CHUK: variants seen among roughly 807,000 people sequenced by gnomAD.
CHUK encodes the protein inhibitor of nuclear factor kappa-B kinase subunit alpha.
In CHUK, 35 loss-of-function variants were observed where a neutral mutation model predicts 104.8. That is an observed-to-expected ratio of 0.33 (90% CI 0.26 to 0.44). The LOEUF is 0.44. Ranked by LOEUF, CHUK falls within the 20% of genes least tolerant of loss-of-function variation. The pLI is 1.00. For missense variants in CHUK, 663 were observed against 902.7 expected (o/e 0.73, Z 3.40); for synonymous variants, 276 against 291.9 (o/e 0.95, Z 0.56).
intron 20 of CHUK, 59 bp downstream of exon 20, chr10:100,190,810 G>C: frequency 2.1e-6 from 2 of 955,728 alleles, no homozygotes; most frequent in South Asian, 2.6e-5. Flanking sequence ...AGCATGGAAA[G>C]TTAAACCTTT....
chr10:100,189,710 G>T, intron 20 of CHUK, 83 bp from the exon 21 acceptor site: 2 of 944,032 alleles, frequency 2.1e-6, no homozygotes, highest in Non-Finnish European at 1.7e-6. Context: ...CAAGTTTTCT[G>T]TTTGGACATT....
At chr10:100,194,652 A>G in intron 16 of CHUK, 131 bp from the exon 17 acceptor site, 1 of 620,626 alleles carries the variant, frequency 1.6e-6, no homozygotes, top group South Asian at 1.9e-5. Flanking sequence ...TTTAAATTAA[A>G]AATTGGGTTA....
At chr10:100,217,188 G>T (rs116778287) in intron 9 of CHUK, among the ~76,000 whole-genome samples, 1,759 of 150,962 alleles carry the variant, frequency 0.012, 47 homozygotes, top group African/African-American at 0.04. Flanking sequence ...GCAGGTACAA[G>T]GCAAAACTTG....
intron 13 of CHUK, among the ~76,000 whole-genome samples, chr10:100,202,754 GA>G (rs901830340): frequency 2.6e-5 from 4 of 151,768 alleles, no homozygotes; most frequent in African/African-American, 9.7e-5. Context: ...GTGGATAAAG[GA>G]AAAAACAACA....
Position 100,188,437 on chromosome 10 carries a change from A to C in CHUK, c.*1161T>G, listed in dbSNP as rs1845121211. ...ATAAAAGCATTTCACATTTTTTAAG[A>C]CAAATAATATCTTCTAAATTACTTA... is the stretch of plus-strand genomic sequence containing the variant. On this transcript the variant is annotated 3_prime_UTR_variant, in exon 21 of 21. Transcript: ENST00000370397. 1 of 152,676 alleles carries C rather than the reference A, an allele frequency of 6.5e-6. No individual in the cohort carries two copies. Among genetic ancestry groups the C allele is most frequent in the Non-Finnish European group, 1.5e-5 (1 of 68,036 alleles). The allele number at this position is 152,676 out of a possible 1,614,324, so 9.5% of individuals were successfully genotyped here.
chr10:100,198,730 A>C (rs1291320574), intron 16 of CHUK, among the ~76,000 whole-genome samples: 2 of 152,366 alleles, frequency 1.3e-5, no homozygotes, highest in South Asian at 2.1e-4. Flanking sequence ...GTTATTTTTT[A>C]AATGTGAAAA....
At chr10:100,216,378 G>C (rs1845855449) in intron 9 of CHUK, among the ~76,000 whole-genome samples, 1 of 152,204 alleles carries the variant, frequency 6.6e-6, no homozygotes, top group African/African-American at 2.4e-5. Flanking sequence ...AGCCAAGAAT[G>C]ACATCCACAT....
intron 16 of CHUK, 69 bp from the exon 17 acceptor site, chr10:100,194,590 C>A: frequency 2.2e-6 from 2 of 924,002 alleles, no homozygotes; most frequent in Admixed American, 4.1e-5. Flanking sequence ...ACAAAAAATT[C>A]CTCAAAAATC....
intron 9 of CHUK, among the ~76,000 whole-genome samples, chr10:100,215,210 A>G (rs1300684279): frequency 2.2e-5 from 3 of 136,952 alleles, no homozygotes; most frequent in Admixed American, 2.2e-4. Flanking sequence ...GTGAGGCTCC[A>G]TATCAAAAAA....
At chr10:100,210,064 G>GTTATTTATTTATTTATTTAT (rs1190793682) in intron 9 of CHUK, among the ~76,000 whole-genome samples, 1 of 142,666 alleles carries the variant, frequency 7.0e-6, no homozygotes, top group African/African-American at 2.7e-5. Flanking sequence ...GAAAGAACAA[G>GTTATTTATTTATTTATTTAT]TTATTTATTT....
Position 100,220,684 on chromosome 10 carries a change from A to G in CHUK, c.386-8T>C. ...AATATCGAATCCCAGACCCTAAATAAAGTTTAAAATATACTTTAAAGTAAC... is the reference window on the plus strand; with the variant it reads ...AATATCGAATCCCAGACCCTAAATAGAGTTTAAAATATACTTTAAAGTAAC... On this transcript the variant is annotated splice_polypyrimidine_tract_variant and splice_region_variant and intron_variant, in intron 4 of 20. Coordinates refer to ENST00000370397, the MANE Select transcript of CHUK (RefSeq NM_001278.5). The G allele has an allele frequency of 6.3e-7, 1 of 1,576,958 alleles. No homozygotes were observed. Among genetic ancestry groups the G allele is most frequent in the Non-Finnish European group, 8.7e-7 (1 of 1,146,632 alleles).
rs569453566 is a variant in CHUK at position 100,217,416 on chromosome 10, G to A, written c.933+579C>T. On this transcript the variant is annotated intron_variant, in intron 9 of 20. Coordinates refer to ENST00000370397, the MANE Select transcript of CHUK (RefSeq NM_001278.5). ...AACCTTCCTTACCAAATCAAATCCAGTATGACTAGACATAAATGAATCGAG... is the reference window on the plus strand; with the variant it reads ...AACCTTCCTTACCAAATCAAATCCAATATGACTAGACATAAATGAATCGAG... 3.0e-3 allele frequency among the ~76,000 whole-genome samples: 456 copies of A among 152,298 alleles called. 4 individuals carry two copies. Among genetic ancestry groups the A allele is most frequent in the African/African-American group, 0.011 (446 of 41,566 alleles).
chr10:100,226,505 GA>G (rs1045325332), intron 1 of CHUK, among the ~76,000 whole-genome samples: 3 of 151,980 alleles, frequency 2.0e-5, no homozygotes, highest in South Asian at 2.1e-4. Context: ...ATGACATGAA[GA>G]AAAAAAATCC....
chr10:100,210,119 G>C lies in CHUK; in HGVS notation c.934-330C>G, dbSNP rs1307617521. Among the ~76,000 whole-genome samples, 12 of 139,172 alleles carry C rather than the reference G, an allele frequency of 8.6e-5. No homozygotes were observed. The East Asian group carries it at 2.2e-3, about 26-fold the overall frequency. 91.3% of individuals were successfully genotyped at this position (139,172 alleles called of 152,430 possible). A position where few individuals can be genotyped will look rare whatever the true frequency, so the allele number is the denominator to read the frequency against. On this transcript the variant is annotated intron_variant, in intron 9 of 20. Transcript: ENST00000370397. ...TTTTTTTTTTTTGAGACGGAGTCTCGCTCTGTCGCCCAGGCTGGAGTGCAG... is the reference window on the plus strand; with the variant it reads ...TTTTTTTTTTTTGAGACGGAGTCTCCCTCTGTCGCCCAGGCTGGAGTGCAG...
At chr10:100,200,237 T>C (rs1845430259) in intron 15 of CHUK, among the ~76,000 whole-genome samples, 2 of 152,214 alleles carry the variant, frequency 1.3e-5, no homozygotes, top group Non-Finnish European at 1.5e-5. Flanking sequence ...TGATCTATCA[T>C]GGGGACATCT....
chr10:100,191,020 AT>A (rs748819329), intron 19 of CHUK, 52 bp from the exon 20 acceptor site: 1 of 1,075,222 alleles, frequency 9.3e-7, no homozygotes, highest in Admixed American at 1.7e-5. Context: ...GGGCATATGA[AT>A]TTCCTCTACT....
intron 16 of CHUK, among the ~76,000 whole-genome samples, chr10:100,198,731 A>C (rs17885528): frequency 3.3e-4 from 50 of 152,358 alleles, no homozygotes; most frequent in African/African-American, 1.2e-3. Flanking sequence ...TTATTTTTTA[A>C]ATGTGAAAAT....
chr10:100,220,543 G>T, intron 5 of CHUK, 45 bp downstream of exon 5: 1 of 1,259,288 alleles, frequency 7.9e-7, no homozygotes, highest in South Asian at 1.2e-5. Flanking sequence ...ATATCAGAGA[G>T]ACTATATTCA....
intron 9 of CHUK, among the ~76,000 whole-genome samples, chr10:100,212,567 A>G (rs1000632823): frequency 6.6e-6 from 1 of 152,130 alleles, no homozygotes; most frequent in African/African-American, 2.4e-5. Flanking sequence ...ATGGTATGCA[A>G]ATATCTTTTC....
Sources: allele counts gnomAD v4.1 joint callset (sites outside exome capture counted in the v4.1 genomes callset), GRCh38; gene constraint gnomAD v4.1.1; transcripts MANE v1.5; gene names NCBI Gene and HGNC (gene_info 2026-07-23, HGNC 2026-07-21).